SEC31A: variants seen among roughly 807,000 people sequenced by gnomAD.
SEC31A encodes the protein SEC31 homolog A, COPII component, also known as protein transport protein Sec31A.
In SEC31A, 70 loss-of-function variants were observed where a neutral mutation model predicts 151.0. That is an observed-to-expected ratio of 0.46 (90% CI 0.38 to 0.57). SEC31A has a LOEUF of 0.57. SEC31A is among the 20% of genes least tolerant of loss of function. The pLI is 0.00. For missense variants in SEC31A, 1,330 were observed against 1,471.2 expected, an observed-to-expected ratio of 0.90 and a Z score of 1.57; for synonymous variants, 475 against 505.9, an observed-to-expected ratio of 0.94 and a Z score of 0.82.
chr4:82,845,673 T>A (rs138589388), intron 20 of SEC31A, among the ~76,000 whole-genome samples: 1 of 79,302 alleles, frequency 1.3e-5, no homozygotes, highest in Non-Finnish European at 2.3e-5. Flanking sequence ...AAAAAAGTGA[T>A]TTTTTTTTTG....
chr4:82,849,954 C>T (rs1451601599), intron 19 of SEC31A, among the ~76,000 whole-genome samples: 2 of 151,952 alleles, frequency 1.3e-5, no homozygotes, highest in South Asian at 4.2e-4. Flanking sequence ...ATGTTTTAGG[C>T]ATATTTTATT....
upstream of SEC31A, chr4:82,891,189 A>G (rs549758938): frequency 1.3e-4 from 196 of 1,533,716 alleles, no homozygotes; most frequent in South Asian, 6.9e-4. Context: ...GGCCACCTCC[A>G]CGTTCCGTTC....
At chr4:82,828,692 A>AAAAAAAAAAAAAAAAAAC in intron 23 of SEC31A, among the ~76,000 whole-genome samples, 1 of 150,946 alleles carries the variant, frequency 6.6e-6, no homozygotes, top group Admixed American at 6.6e-5. Flanking sequence ...AAAAAAAAAA[A>AAAAAAAAAAAAAAAAAAC]AAAAAGAAAG....
upstream of SEC31A, chr4:82,893,910 T>C (rs533713743): frequency 6.6e-6 from 1 of 152,340 alleles, no homozygotes; most frequent in Non-Finnish European, 1.5e-5. Flanking sequence ...GAGAAAAATG[T>C]ACTGCCCTGA....
In SEC31A at chr4:82,844,406, G is replaced by A. The variant is rs1391355773; in HGVS notation, c.2606C>T (p.Pro869Leu). The change falls in exon 21 of 27, where the codon CCA becomes CTA. Residue 869 changes from proline to leucine, a missense_variant. Transcript: ENST00000395310. ...TSPGHMHTQV[P>L]PYPQPQPYQP... ...CTTACGCTGTGGCTGTGGATAAGGT[G>A]GTACCTGGGTGTGCATATGACCTGG... 4 of 1,614,026 alleles carry A rather than the reference G, an allele frequency of 2.5e-6. No individual in the cohort carries two copies. The African/African-American group carries it at 4.0e-5, about 16-fold the overall frequency.
intron 16 of SEC31A, among the ~76,000 whole-genome samples, chr4:82,855,847 C>A (rs1303938080): frequency 6.6e-6 from 1 of 152,102 alleles, no homozygotes; most frequent in African/African-American, 2.4e-5. Flanking sequence ...GGCTTAATAC[C>A]TGAGTGATGA....
chr4:82,851,328 G>T, intron 19 of SEC31A, 103 bp downstream of exon 19: 3 of 920,816 alleles, frequency 3.3e-6, no homozygotes, highest in Admixed American at 2.7e-5. Context: ...AAATTCAACT[G>T]CTCCAAAACA....
chr4:82,881,208 G>A (rs575430350), intron 2 of SEC31A, among the ~76,000 whole-genome samples: 1 of 152,288 alleles, frequency 6.6e-6, no homozygotes, highest in African/African-American at 2.4e-5. Flanking sequence ...GCTCATGCCT[G>A]TAATCCCAGC....
chr4:82,890,967 G>C (rs1719609984), intron 1 of SEC31A, 121 bp downstream of exon 1: 2 of 1,466,892 alleles, frequency 1.4e-6, no homozygotes, highest in Non-Finnish European at 1.8e-6. Flanking sequence ...CGTCACCAGA[G>C]ACCGGGCCTC....
intron 22 of SEC31A, among the ~76,000 whole-genome samples, chr4:82,831,614 C>T (rs144550001): frequency 5.3e-5 from 8 of 152,270 alleles, no homozygotes; most frequent in African/African-American, 1.7e-4. Flanking sequence ...TAAGGATAAA[C>T]GTGCCTATCT....
At chr4:82,881,463 T>C (rs1358695085) in intron 2 of SEC31A, among the ~76,000 whole-genome samples, 1 of 148,718 alleles carries the variant, frequency 6.7e-6, no homozygotes, top group Non-Finnish European at 1.5e-5. Flanking sequence ...AGACTCCATC[T>C]CAAAAAAAAA....
intron 1 of SEC31A, among the ~76,000 whole-genome samples, chr4:82,882,215 A>G (rs1739520982): frequency 6.6e-6 from 1 of 152,040 alleles, no homozygotes; most frequent in South Asian, 2.1e-4. Context: ...CATCCTGGCT[A>G]ACATGGTGAG....
intron 25 of SEC31A, 122 bp downstream of exon 25, chr4:82,824,432 TG>T: frequency 1.0e-6 from 1 of 986,870 alleles, no homozygotes; most frequent in Non-Finnish European, 1.5e-6. Context: ...CTTGAACTCC[TG>T]GCTTCAAATG....
chr4:82,894,112 A>C (rs1172422783), upstream of SEC31A: 1 of 152,208 alleles, frequency 6.6e-6, no homozygotes, highest in East Asian at 1.9e-4. Flanking sequence ...GCTTTGGCTA[A>C]GTTTCTCAAA....
chr4:82,840,442 A>G (rs1728465570), intron 22 of SEC31A, among the ~76,000 whole-genome samples: 1 of 152,150 alleles, frequency 6.6e-6, no homozygotes, highest in Admixed American at 6.5e-5. Flanking sequence ...CTAAAATATC[A>G]AACTATTGAT....
At chr4:82,837,165 A>C (rs1308828258) in intron 22 of SEC31A, among the ~76,000 whole-genome samples, 1 of 38,778 alleles carries the variant, frequency 2.6e-5, no homozygotes. Context: ...TATCATATAT[A>C]TATATATATA....
At chr4:82,860,370 A>G (rs1224467850) in intron 14 of SEC31A, among the ~76,000 whole-genome samples, 2 of 152,232 alleles carry the variant, frequency 1.3e-5, no homozygotes, top group Admixed American at 6.5e-5. Flanking sequence ...TCATGAGTGC[A>G]TTCCCAAATG....
rs1036437814 is a variant in SEC31A at position 82,834,558 on chromosome 4, C to T, written c.2969-5500G>A. 7.9e-5 allele frequency among the ~76,000 whole-genome samples: 12 copies of T among 152,058 alleles called. No individual in the cohort carries two copies. In the South Asian group the frequency reaches 8.3e-4, roughly 11 times the overall value. Reference sequence around the variant, plus strand: ...CAACAAGCCTCTCAGGAGGAAGGTCCGTTGGCTAGCCTGAATAAGTTAAAG... The same window carrying T: ...CAACAAGCCTCTCAGGAGGAAGGTCTGTTGGCTAGCCTGAATAAGTTAAAG... On this transcript the variant is annotated intron_variant, in intron 22 of 26. Coordinates refer to ENST00000395310, the MANE Select transcript of SEC31A (RefSeq NM_001077207.4).
In SEC31A at chr4:82,867,258, C is replaced by T. The variant is rs772979356; in HGVS notation, c.941G>A (p.Arg314Gln). Residue 314 changes from arginine to glutamine, a missense_variant, in exon 9 of 27, where the codon CGA (arginine) becomes CAA (glutamine). By Grantham distance (43) the Arg-to-Gln change is conservative. Coordinates refer to ENST00000395310, the MANE Select transcript of SEC31A (RefSeq NM_001077207.4). Reference protein sequence around the residue: ...QWCFDIQWCPRNPAVLSAASF... With the variant: ...QWCFDIQWCPQNPAVLSAASF... ...AGCAGCTGATAAGACAGCAGGATTT[C>T]GGGGACACCACTGAATATCGAAGCA... The T allele has an allele frequency of 6.2e-6, 10 of 1,613,950 alleles. No individual in the cohort carries two copies. In the Middle Eastern group the frequency reaches 4.9e-4, roughly 80 times the overall value.
Sources: gnomAD v4.1 joint callset for allele counts (sites outside exome capture counted in the v4.1 genomes callset) on GRCh38, gnomAD v4.1.1 for gene constraint, MANE v1.5 for transcripts, NCBI Gene and HGNC (gene_info 2026-07-23, HGNC 2026-07-21) for gene names.